The following EPM2A variants were observed in gnomAD, a reference collection of about 807,000 sequenced individuals.
The protein encoded by EPM2A is EPM2A glucan phosphatase, laforin.
Under a neutral mutation model 26.5 loss-of-function variants are expected in EPM2A, and 21 were observed. That is an observed-to-expected ratio of 0.79 (90% CI 0.56 to 1.14). The LOEUF is 1.14. Among genes scored for constraint, EPM2A ranks in the 50% most tolerant of loss-of-function variants. The pLI is 0.00. For missense variants in EPM2A, 458 were observed against 440.8 expected (o/e 1.04, Z -0.35); for synonymous variants, 217 against 177.6 (o/e 1.22, Z -1.76).
At chr6:145,401,043 A>G (rs981810602) in intron 4 of EPM2A, among the ~76,000 whole-genome samples, 2 of 152,192 alleles carry the variant, frequency 1.3e-5, no homozygotes, top group Non-Finnish European at 1.5e-5. Flanking sequence ...AGGGTTTAAT[A>G]ATTGAATAAA....
chr6:145,687,852 G>A lies in EPM2A; in HGVS notation c.302-1556C>T, dbSNP rs147693645. 4.3e-3 allele frequency among the ~76,000 whole-genome samples: 656 copies of A among 151,208 alleles called. 5 individuals carry two copies. Among genetic ancestry groups the A allele is most frequent in the African/African-American group, 0.014 (568 of 41,162 alleles). On this transcript the variant is annotated intron_variant, in intron 1 of 3. Transcript: ENST00000367519. ...TTTCTCTTAATGGATTTTTTTTCTC[G>A]ACGACTACAAGGTGCTGCACCACAT...
At chr6:145,596,794 A>G (rs1781348754) in intron 2 of EPM2A, among the ~76,000 whole-genome samples, 1 of 146,704 alleles carries the variant, frequency 6.8e-6, no homozygotes, top group Admixed American at 6.8e-5. Context: ...TTTGGACTAG[A>G]TTCTCTCTAA....
chr6:145,547,708 G>A (rs1780601485), intron 2 of EPM2A, among the ~76,000 whole-genome samples: 1 of 151,986 alleles, frequency 6.6e-6, no homozygotes, highest in Non-Finnish European at 1.5e-5. Context: ...GTTACTTTTA[G>A]TTCTCTCTTG....
chr6:145,664,734 C>A (rs557672975), intron 2 of EPM2A, among the ~76,000 whole-genome samples: 1 of 152,072 alleles, frequency 6.6e-6, no homozygotes, highest in African/African-American at 2.4e-5. Context: ...CACACCATAC[C>A]TATTCCAAAA....
intron 1 of EPM2A, among the ~76,000 whole-genome samples, chr6:145,716,498 G>A (rs902135184): frequency 1.3e-5 from 2 of 152,140 alleles, no homozygotes; most frequent in African/African-American, 4.8e-5. Context: ...TATCAGTAGA[G>A]ACTGCTCGAG....
chr6:145,520,083 C>T (rs757961236), intron 2 of EPM2A, among the ~76,000 whole-genome samples: 6 of 152,168 alleles, frequency 3.9e-5, no homozygotes, highest in Admixed American at 3.9e-4. Flanking sequence ...AATTCCACAT[C>T]CCCCATTGAC....
At chr6:145,713,780 T>C (rs913769208) in intron 1 of EPM2A, among the ~76,000 whole-genome samples, 3 of 152,174 alleles carry the variant, frequency 2.0e-5, no homozygotes, top group East Asian at 3.8e-4. Flanking sequence ...CACAAAAACT[T>C]GTATGCAAAT....
chr6:145,402,236 G>A (rs1778500355), intron 4 of EPM2A, among the ~76,000 whole-genome samples: 1 of 152,116 alleles, frequency 6.6e-6, no homozygotes, highest in African/African-American at 2.4e-5. Context: ...CCTGATAGAT[G>A]AGCTGAGGAC....
chr6:145,501,794 A>C (rs1190693011), exon 4 of EPM2A: 3 of 470,994 alleles, frequency 6.4e-6, no homozygotes, highest in Non-Finnish European at 1.3e-5. Context: ...AAGGTTAGGG[A>C]GATATTTGTG....
At chr6:145,733,614 A>AT (rs1285155962) in intron 1 of EPM2A, among the ~76,000 whole-genome samples, 1 of 152,184 alleles carries the variant, frequency 6.6e-6, no homozygotes, top group Admixed American at 6.5e-5. Context: ...TATTACAATT[A>AT]TCAGATATTA....
chr6:145,552,596 A>T (rs192667031), intron 2 of EPM2A, among the ~76,000 whole-genome samples: 1 of 152,278 alleles, frequency 6.6e-6, no homozygotes, highest in Admixed American at 6.5e-5. Flanking sequence ...TTGAGCAGAA[A>T]ATGATTCCAG....
At chr6:145,722,062 C>T (rs1280154145) in intron 1 of EPM2A, among the ~76,000 whole-genome samples, 1 of 152,114 alleles carries the variant, frequency 6.6e-6, no homozygotes, top group Non-Finnish European at 1.5e-5. Flanking sequence ...TTATCATTAA[C>T]CCTGGTAAAT....
At chr6:145,503,295 G>A (rs1392130844) in intron 2 of EPM2A, among the ~76,000 whole-genome samples, 2 of 150,682 alleles carry the variant, frequency 1.3e-5, no homozygotes, top group African/African-American at 4.9e-5. Context: ...AAAAGAGGAA[G>A]TCAAATTGTC....
At position 145,442,865 on chromosome 6, in the gene EPM2A, ATT is replaced by A. The variant is rs35175914; in HGVS notation, c.556-58770_556-58769del. Among the ~76,000 whole-genome samples, 505 of 147,198 alleles carry A rather than the reference ATT, an allele frequency of 3.4e-3. 1 individual carries two copies. The highest frequency in any genetic ancestry group is 0.024 in the Middle Eastern group (7 of 290). On this transcript the variant is annotated intron_variant, in intron 4 of 4. Coordinates refer to the EPM2A transcript ENST00000638717. Reference sequence around the variant, plus strand: ...AGGTTATTCTTTGTTCTTTCTTACTATTTTTTTTTTTTTGAGATGGTGTCTCG... The same window carrying A: ...AGGTTATTCTTTGTTCTTTCTTACTATTTTTTTTTTTGAGATGGTGTCTCG...
intron 2 of EPM2A, among the ~76,000 whole-genome samples, chr6:145,556,078 C>G (rs1031759050): frequency 1.6e-4 from 25 of 152,154 alleles, no homozygotes. Context: ...TCTACAATTA[C>G]AGCCACTCTA....
intron 1 of EPM2A, among the ~76,000 whole-genome samples, chr6:145,715,389 A>C (rs1775559325): frequency 6.6e-6 from 1 of 152,196 alleles, no homozygotes. Context: ...CCTGGAGAGA[A>C]CCCACACAAA....
At chr6:145,510,927 T>C (rs763937745) in intron 2 of EPM2A, among the ~76,000 whole-genome samples, 1 of 152,030 alleles carries the variant, frequency 6.6e-6, no homozygotes, top group Non-Finnish European at 1.5e-5. Flanking sequence ...ACTTCTCCAA[T>C]AGAAATACAA....
In EPM2A at chr6:145,686,303, C is replaced by A; in HGVS notation, c.302-7G>T. ...TCATGATGAGGTCCATTGCCTAGAA[C>A]AAGAAAAAATGATAAACAGAGCAAT... is the stretch of plus-strand genomic sequence containing the variant. On this transcript the variant is annotated splice_polypyrimidine_tract_variant and splice_region_variant and intron_variant, in intron 1 of 3. Coordinates refer to ENST00000367519, the MANE Select transcript of EPM2A (RefSeq NM_005670.4). The A allele has an allele frequency of 6.2e-7, 1 of 1,611,588 alleles. No individual in the cohort carries two copies. The highest frequency in any genetic ancestry group is 8.5e-7 in the Non-Finnish European group (1 of 1,178,188).
chr6:145,512,530 G>T (rs1227559480), intron 2 of EPM2A, among the ~76,000 whole-genome samples: 1 of 151,674 alleles, frequency 6.6e-6, no homozygotes, highest in African/African-American at 2.4e-5. Flanking sequence ...TGGCCAAAAT[G>T]GTGAAACCCT....
Sources: allele counts gnomAD v4.1 joint callset (sites outside exome capture counted in the v4.1 genomes callset), GRCh38; gene constraint gnomAD v4.1.1; transcripts MANE v1.5; gene names NCBI Gene and HGNC (gene_info 2026-07-23, HGNC 2026-07-21).